Variants in ZNF510 observed in about 807,000 individuals in gnomAD.
The protein encoded by ZNF510 is zinc finger protein 510.
In ZNF510, 15 loss-of-function variants were observed where a neutral mutation model predicts 18.1. That is an observed-to-expected ratio of 0.83 (90% CI 0.55 to 1.28). The LOEUF (loss-of-function observed/expected upper bound fraction) is 1.28, where lower values mean the gene tolerates loss of function less well. Among genes scored for constraint, ZNF510 ranks in the 50% most tolerant of loss-of-function variants. The pLI, the probability that ZNF510 is intolerant of heterozygous loss-of-function variation, is 0.00. For synonymous variants in ZNF510, 261 were observed against 266.4 expected (o/e 0.98, Z 0.20); for missense variants, 724 against 791.8 (o/e 0.91, Z 1.03).
At chr9:96,764,517 G>T (rs896441345) in intron 3 of ZNF510, among the ~76,000 whole-genome samples, 8 of 152,224 alleles carry the variant, frequency 5.3e-5, no homozygotes, top group Admixed American at 4.6e-4. Flanking sequence ...CATTGTTTAT[G>T]GCTGTTTTTG....
At chr9:96,769,093 T>C (rs1038312378) in intron 3 of ZNF510, among the ~76,000 whole-genome samples, 1 of 152,034 alleles carries the variant, frequency 6.6e-6, no homozygotes. Context: ...TAACTGAATC[T>C]CATCAAAATA....
chr9:96,771,928 G>A (rs1849592567), intron 3 of ZNF510, among the ~76,000 whole-genome samples: 1 of 152,106 alleles, frequency 6.6e-6, no homozygotes, highest in South Asian at 2.1e-4. Flanking sequence ...CCTCTACTCT[G>A]AAAAACTTTC....
chr9:96,755,040 T>C lies in ZNF510; in HGVS notation c.*3738A>G, dbSNP rs1849163557. Among the ~76,000 whole-genome samples, 4 of 152,128 alleles carry C rather than the reference T, an allele frequency of 2.6e-5. No homozygotes were observed. The highest frequency in any genetic ancestry group is 2.0e-4 in the Admixed American group (3 of 15,264). On this transcript the variant is annotated 3_prime_UTR_variant, in exon 6 of 6. Transcript: ENST00000223428. ...GCATACATGACTAGAGCACAGACCA[T>C]GGTCTCCAGTTGGTGATGTATTGTA...
chr9:96,767,981 A>G (rs543695234), intron 3 of ZNF510, among the ~76,000 whole-genome samples: 1 of 152,322 alleles, frequency 6.6e-6, no homozygotes, highest in East Asian at 1.9e-4. Flanking sequence ...AATACTCGCA[A>G]ACCAAATCTT....
chr9:96,763,434 CATGTATTGGCACT>C (rs1489509545), intron 4 of ZNF510, 59 bp downstream of exon 4: 65 of 1,502,490 alleles, frequency 4.3e-5, no homozygotes, highest in Non-Finnish European at 5.6e-5. Flanking sequence ...AAATTGTTCA[CATGTATTGGCACT>C]TAAAAAAGAA....
At chr9:96,774,942 C>CA (rs1372981333) in intron 2 of ZNF510, 96 bp from the exon 3 acceptor site, 3 of 1,012,864 alleles carry the variant, frequency 3.0e-6, no homozygotes, top group South Asian at 1.4e-5. Flanking sequence ...GGCCTCTCTA[C>CA]AAAAAATGTT....
chr9:96,776,193 C>A lies in ZNF510; in HGVS notation c.-124G>T. The A allele has an allele frequency of 1.4e-6, 2 of 1,445,584 alleles. No individual in the cohort carries two copies. The highest frequency in any genetic ancestry group is 1.8e-6 in the Non-Finnish European group (2 of 1,093,940). The allele number at this position is 1,445,584 out of a possible 1,614,324, so 89.5% of individuals were successfully genotyped here. A position where few individuals can be genotyped will look rare whatever the true frequency, so the allele number is the denominator to read the frequency against. On this transcript the variant is annotated 5_prime_UTR_variant, in exon 2 of 6. Coordinates refer to ENST00000223428, the MANE Select transcript of ZNF510 (RefSeq NM_014930.3). ...AAGCCCTGGTGAGGAGGTCTCTGTT[C>A]TGTCAGAGAGCAGTTCTTCGGTGGG...
At position 96,768,120 on chromosome 9, in the gene ZNF510, C is replaced by T. The variant is rs563422973; in HGVS notation, c.130-4488G>A. 3.9e-5 allele frequency among the ~76,000 whole-genome samples: 6 copies of T among 152,226 alleles called. No individual in the cohort carries two copies. In the East Asian group the frequency reaches 7.7e-4, roughly 20 times the overall value. On this transcript the variant is annotated intron_variant, in intron 3 of 5. Coordinates refer to ENST00000223428, the MANE Select transcript of ZNF510 (RefSeq NM_014930.3). ...AATAAAATGAAGAAAACAAGTCACA[C>T]GATCATCTCAACTGATGCAGAAAAA...
intron 3 of ZNF510, among the ~76,000 whole-genome samples, chr9:96,770,343 A>T (rs1564440452): frequency 6.6e-6 from 1 of 152,148 alleles, no homozygotes. Flanking sequence ...TAATCGCAGA[A>T]CTTTGGGAAG....
intron 5 of ZNF510, among the ~76,000 whole-genome samples, chr9:96,760,752 ATAAAAC>A (rs985034958): frequency 6.7e-6 from 1 of 149,910 alleles, no homozygotes; most frequent in Non-Finnish European, 1.5e-5. Context: ...AGAAAATAAA[ATAAAAC>A]TAAGCGTTTT....
In ZNF510 at chr9:96,764,970, G is replaced by A. The variant is rs183596119; in HGVS notation, c.130-1338C>T. On this transcript the variant is annotated intron_variant, in intron 3 of 5. Coordinates refer to ENST00000223428, the MANE Select transcript of ZNF510 (RefSeq NM_014930.3). ...TCTATTAAAAATACAAAAATTAGCC[G>A]GGTGTGGTGGTGAGTGCCTGTAATC... is the stretch of plus-strand genomic sequence containing the variant. Among the ~76,000 whole-genome samples the A allele has an allele frequency of 2.5e-3, 377 of 151,552 alleles. 1 individual carries two copies. Among genetic ancestry groups the A allele is most frequent in the Non-Finnish European group, 2.0e-3 (133 of 68,006 alleles).
intron 5 of ZNF510, among the ~76,000 whole-genome samples, chr9:96,761,140 C>G (rs1849337988): frequency 6.6e-6 from 1 of 152,126 alleles, no homozygotes; most frequent in Non-Finnish European, 1.5e-5. Context: ...AAAATAAAAT[C>G]CATTCATGCA....
chr9:96,771,790 AT>A (rs1849590490), intron 3 of ZNF510, among the ~76,000 whole-genome samples: 1 of 152,028 alleles, frequency 6.6e-6, no homozygotes, highest in Non-Finnish European at 1.5e-5. Context: ...TACTAAAAAA[AT>A]CCATCGTATT....
rs540383975 is a variant in ZNF510 at position 96,763,618 on chromosome 9, G to A, written c.144C>T (p.Phe48=). The change falls in exon 4 of 6, where the codon TTC becomes TTT. Residue 48 remains phenylalanine (F), a synonymous_variant. Coordinates refer to ENST00000223428, the MANE Select transcript of ZNF510 (RefSeq NM_014930.3). ...KMNISQASVS[F]KDVTIEFTQE... The stretch of plus-strand genomic sequence containing the variant: ...GGGTGAATTCTATAGTCACGTCCTT[G>A]AATGACACTGATGCCTGTAACAGTA... 8.7e-5 allele frequency: 141 copies of A among 1,611,512 alleles called. 2 individuals are homozygous for A. The South Asian group carries it at 1.4e-3, about 16-fold the overall frequency.
chr9:96,755,788 A>G lies in ZNF510; in HGVS notation c.*2990T>C, dbSNP rs1322924191. 1 of 152,248 alleles carries G rather than the reference A, an allele frequency of 6.6e-6. No homozygotes were observed. Among genetic ancestry groups the G allele is most frequent in the East Asian group, 1.9e-4 (1 of 5,194 alleles). The allele number at this position is 152,248 out of a possible 1,614,324, so 9.4% of individuals were successfully genotyped here. On this transcript the variant is annotated 3_prime_UTR_variant, in exon 6 of 6. Transcript: ENST00000223428. The stretch of plus-strand genomic sequence containing the variant: ...GGAAAAAGGTGAATTAATCAATGGC[A>G]TATGAAGTACTGGCTATTTATCCAG...
rs1564433920 is a variant in ZNF510 at position 96,759,678 on chromosome 9, TTTC to T, written c.1149_1151del (p.Lys384del). On this transcript the variant is annotated inframe_deletion, in exon 6 of 6. Transcript: ENST00000223428. ...CTCTGTGAACCGACGTCTGGTAGGA[TTTC>T]TTATTTTCATGATATTCAGAGGATT... The T allele has an allele frequency of 5.0e-6, 8 of 1,613,688 alleles. No individual in the cohort carries two copies. The highest frequency in any genetic ancestry group is 5.9e-6 in the Non-Finnish European group (7 of 1,179,970).
At position 96,762,805 on chromosome 9, in the gene ZNF510, G is replaced by C. The variant is rs374165551; in HGVS notation, c.352+313C>G. 350 of 203,170 alleles carry C rather than the reference G, an allele frequency of 1.7e-3. 3 individuals carry two copies. Among genetic ancestry groups the C allele is most frequent in the African/African-American group, 7.7e-3 (328 of 42,562 alleles). The allele number at this position is 203,170 out of a possible 1,614,324, so 12.6% of individuals were successfully genotyped here. A position where few individuals can be genotyped will look rare whatever the true frequency, so the allele number is the denominator to read the frequency against. ...AATGTTTTTGCCCATTTTTCATCTGGGTTGCCTATCTTTTCCCACAATGAC... is the reference window on the plus strand; with the variant it reads ...AATGTTTTTGCCCATTTTTCATCTGCGTTGCCTATCTTTTCCCACAATGAC... On this transcript the variant is annotated intron_variant, in intron 5 of 5. Coordinates refer to ENST00000223428, the MANE Select transcript of ZNF510 (RefSeq NM_014930.3).
In ZNF510 at chr9:96,760,106, G is replaced by A. The variant is rs765134496; in HGVS notation, c.724C>T (p.Pro242Ser). ...AAAGTTTGAAACTTTGGATGCTTGG[G>A]AAGATTTTCATTATAATTGAGAGCT... ...MKALNYNENL[P>S]KHPKFQTLEQ... is the part of the protein sequence containing the mutation. Residue 242 changes from proline to serine, a missense_variant, in exon 6 of 6, where the codon CCC (proline) becomes TCC (serine). Transcript: ENST00000223428. 1.2e-6 allele frequency: 2 copies of A among 1,608,560 alleles called. No individual in the cohort carries two copies. Among genetic ancestry groups the A allele is most frequent in the South Asian group, 2.2e-5 (2 of 89,724 alleles).
chr9:96,762,409 T>C (rs1322776305), intron 5 of ZNF510, among the ~76,000 whole-genome samples: 1 of 150,272 alleles, frequency 6.7e-6, no homozygotes, highest in Admixed American at 6.7e-5. Context: ...CTCTGGAGGC[T>C]GAGGCAGGAG....
Sources: gnomAD v4.1 joint callset for allele counts (sites outside exome capture counted in the v4.1 genomes callset) on GRCh38, gnomAD v4.1.1 for gene constraint, MANE v1.5 for transcripts, NCBI Gene and HGNC (gene_info 2026-07-23, HGNC 2026-07-21) for gene names.